Variants in HCN1 observed in about 807,000 individuals in gnomAD.
The protein encoded by HCN1 is potassium/sodium hyperpolarization-activated cyclic nucleotide-gated channel 1.
A neutral mutation model predicts 78.9 loss-of-function variants in HCN1; 13 were observed. The ratio of observed to expected loss-of-function variants is 0.16; its 90% CI spans 0.11 to 0.26. The LOEUF (loss-of-function observed/expected upper bound fraction) is 0.26. Among genes scored for constraint, HCN1 ranks in the 10% least tolerant of loss-of-function variants. The pLI is 1.00. For missense variants in HCN1, 810 were observed against 1,154.3 expected (o/e 0.70, Z 4.32); for synonymous variants, 552 against 455.5 (o/e 1.21, Z -2.70).
chr5:45,564,458 G>A (rs1044962502), intron 2 of HCN1, among the ~76,000 whole-genome samples: 2 of 152,054 alleles, frequency 1.3e-5, no homozygotes, highest in South Asian at 2.1e-4. Flanking sequence ...GGATGGTCTC[G>A]ATCTCCTGAC....
chr5:45,522,202 G>A (rs1015952383), intron 2 of HCN1, among the ~76,000 whole-genome samples: 1 of 151,810 alleles, frequency 6.6e-6, no homozygotes, highest in African/African-American at 2.4e-5. Context: ...GTTAAAAAAA[G>A]TCATGTATCC....
chr5:45,447,103 G>A (rs896926081), intron 3 of HCN1, among the ~76,000 whole-genome samples: 1 of 152,172 alleles, frequency 6.6e-6, no homozygotes, highest in African/African-American at 2.4e-5. Flanking sequence ...ATTGGATAAA[G>A]AGTCAAGACC....
intron 4 of HCN1, among the ~76,000 whole-genome samples, chr5:45,380,708 C>T (rs553816507): frequency 6.6e-6 from 1 of 152,034 alleles, no homozygotes; most frequent in East Asian, 1.9e-4. Context: ...ACATTTTGTG[C>T]CTTTGTTAGA....
chr5:45,517,367 C>A (rs1742533313), intron 2 of HCN1, among the ~76,000 whole-genome samples: 1 of 151,674 alleles, frequency 6.6e-6, no homozygotes, highest in African/African-American at 2.4e-5. Flanking sequence ...TTGATCCCCA[C>A]GCTATCCCCA....
chr5:45,502,039 T>A (rs1742201391), intron 2 of HCN1, among the ~76,000 whole-genome samples: 1 of 152,162 alleles, frequency 6.6e-6, no homozygotes, highest in African/African-American at 2.4e-5. Flanking sequence ...AGATACCATA[T>A]CCTTTAGTGT....
intron 2 of HCN1, among the ~76,000 whole-genome samples, chr5:45,586,885 C>T (rs1744240557): frequency 6.6e-6 from 1 of 152,158 alleles, no homozygotes; most frequent in African/African-American, 2.4e-5. Flanking sequence ...TGAAATACTC[C>T]TATGTTTTAA....
At chr5:45,283,347 T>C (rs569012086) in intron 6 of HCN1, among the ~76,000 whole-genome samples, 1 of 151,876 alleles carries the variant, frequency 6.6e-6, no homozygotes, top group Non-Finnish European at 1.5e-5. Context: ...ATCAACAGAG[T>C]AAACAGACAA....
At chr5:45,309,088 G>C (rs1362522152) in intron 5 of HCN1, among the ~76,000 whole-genome samples, 2 of 151,948 alleles carry the variant, frequency 1.3e-5, no homozygotes, top group African/African-American at 4.8e-5. Context: ...CACTTTTCTT[G>C]TCAGCTGTAT....
intron 2 of HCN1, among the ~76,000 whole-genome samples, chr5:45,523,911 G>T (rs1205960590): frequency 7.9e-5 from 12 of 152,072 alleles, no homozygotes; most frequent in East Asian, 1.9e-4. Flanking sequence ...TTGCTTTTGG[G>T]GTTTTGGACA....
chr5:45,315,336 G>A (rs1279178637), intron 5 of HCN1, among the ~76,000 whole-genome samples: 1 of 152,100 alleles, frequency 6.6e-6, no homozygotes, highest in Non-Finnish European at 1.5e-5. Context: ...GCGAAATGAA[G>A]GCAGAAATAA....
intron 3 of HCN1, among the ~76,000 whole-genome samples, chr5:45,458,318 A>G (rs1741066372): frequency 2.0e-5 from 3 of 152,076 alleles, no homozygotes; most frequent in Admixed American, 2.0e-4. Flanking sequence ...ATGAAGAAGA[A>G]TAAACATAAA....
intron 7 of HCN1, 109 bp from the exon 8 acceptor site, chr5:45,262,919 G>T: frequency 8.3e-7 from 1 of 1,203,640 alleles, no homozygotes. Context: ...TCACAGGAGA[G>T]GCTTAAAAAG....
chr5:45,271,811 G>A (rs1744967149), intron 6 of HCN1, among the ~76,000 whole-genome samples: 1 of 151,988 alleles, frequency 6.6e-6, no homozygotes, highest in Non-Finnish European at 1.5e-5. Context: ...GAGCAACTAA[G>A]GGCTAAATAT....
rs202140680 is a variant in HCN1 at position 45,353,259 on chromosome 5, G to A, written c.1231-13C>T. On this transcript the variant is annotated splice_polypyrimidine_tract_variant and intron_variant, in intron 4 of 7. Transcript: ENST00000303230. ...CCACTTGCTTATACTGTAAGGAAGG[G>A]AAAATAAAATTAAAAAAAAACATTG... is the stretch of plus-strand genomic sequence containing the variant. The A allele has an allele frequency of 3.9e-5, 62 of 1,575,820 alleles. No homozygotes were observed. In the East Asian group the frequency reaches 1.3e-3, roughly 34 times the overall value.
In HCN1 at chr5:45,434,418, T is replaced by C. The variant is rs185172448; in HGVS notation, c.1011+27428A>G. Among the ~76,000 whole-genome samples the C allele has an allele frequency of 6.2e-3, 948 of 152,260 alleles. 3 individuals carry two copies. Among genetic ancestry groups the C allele is most frequent in the Non-Finnish European group, 7.2e-3 (491 of 68,024 alleles). ...CCTTCTGAAGTGAAACAAAGACTAT[T>C]TGCATGTTAGACAAAGCTTATTCAG... On this transcript the variant is annotated intron_variant, in intron 3 of 7. Transcript: ENST00000303230.
In HCN1 at chr5:45,664,503, G is replaced by C. The variant is rs188483572; in HGVS notation, c.426-18895C>G. 1.8e-3 allele frequency among the ~76,000 whole-genome samples: 257 copies of C among 145,410 alleles called. 1 individual carries two copies. The highest frequency in any genetic ancestry group is 5.8e-3 in the African/African-American group (230 of 39,814). ...AAAAAAAAGAAACTACCATCAGAGT[G>C]AACAAGCAACCTACAAAATGGGAGA... On this transcript the variant is annotated intron_variant, in intron 1 of 7. Coordinates refer to ENST00000303230, the MANE Select transcript of HCN1 (RefSeq NM_021072.4).
In HCN1 at chr5:45,255,776, G is replaced by A. The variant is rs1238423064; in HGVS notation, c.*6145C>T. On this transcript the variant is annotated 3_prime_UTR_variant, in exon 8 of 8. Transcript: ENST00000303230. Reference sequence around the variant, plus strand: ...TCAAAAGTAAATCTTTCCTTTCTCAGGAGTTTTCCTCACAAATTTAACAGG... The same window carrying A: ...TCAAAAGTAAATCTTTCCTTTCTCAAGAGTTTTCCTCACAAATTTAACAGG... 6.6e-6 allele frequency: 1 copy of A among 151,966 alleles called. No homozygotes were observed. The highest frequency in any genetic ancestry group is 2.4e-5 in the African/African-American group (1 of 41,346). The allele number at this position is 151,966 out of a possible 1,614,324, so 9.4% of individuals were successfully genotyped here. A position where few individuals can be genotyped will look rare whatever the true frequency, so the allele number is the denominator to read the frequency against.
chr5:45,269,782 T>C (rs1393701200), intron 6 of HCN1, among the ~76,000 whole-genome samples: 1 of 152,158 alleles, frequency 6.6e-6, no homozygotes, highest in Non-Finnish European at 1.5e-5. Context: ...ATACCTACCA[T>C]CAGCATAAGT....
chr5:45,469,655 GT>G (rs1281039533), intron 2 of HCN1, among the ~76,000 whole-genome samples: 2 of 151,676 alleles, frequency 1.3e-5, no homozygotes, highest in Admixed American at 6.6e-5. Context: ...ATTTTCTGAA[GT>G]TTTTTTCTAA....
Sources: gnomAD v4.1 joint callset for allele counts (sites outside exome capture counted in the v4.1 genomes callset) on GRCh38, gnomAD v4.1.1 for gene constraint, MANE v1.5 for transcripts, NCBI Gene and HGNC (gene_info 2026-07-23, HGNC 2026-07-21) for gene names.